Variants in PIP5K1B observed in about 807,000 individuals in gnomAD.
PIP5K1B encodes phosphatidylinositol-4-phosphate 5-kinase type 1 beta, also known as phosphatidylinositol 4-phosphate 5-kinase type-1 beta.
PIP5K1B carries 42 observed loss-of-function variants against 67.0 expected under a neutral mutation model. The observed-to-expected ratio is 0.63, with a 90% CI of 0.49 to 0.81. The LOEUF (loss-of-function observed/expected upper bound fraction) is 0.81, where lower values mean the gene tolerates loss of function less well. Ranked by LOEUF, PIP5K1B falls within the 30% of genes least tolerant of loss-of-function variation. The pLI is 0.00. For synonymous variants in PIP5K1B, 214 were observed against 231.4 expected, an observed-to-expected ratio of 0.92 and a Z score of 0.68; for missense variants, 459 against 646.3, an observed-to-expected ratio of 0.71 and a Z score of 3.14.
At chr9:68,930,809 T>TG (rs912489968) in intron 12 of PIP5K1B, among the ~76,000 whole-genome samples, 5 of 152,278 alleles carry the variant, frequency 3.3e-5, no homozygotes, top group African/African-American at 1.2e-4. Flanking sequence ...ATGGATTCCC[T>TG]GGTGCCCAAA....
chr9:68,781,863 T>G (rs1197023389), intron 2 of PIP5K1B: 1 of 167,088 alleles, frequency 6.0e-6, no homozygotes, highest in Non-Finnish European at 1.5e-5. Context: ...TTTGTACTAC[T>G]GCAAACTTAA....
intron 4 of PIP5K1B, among the ~76,000 whole-genome samples, chr9:68,823,188 A>G (rs2132074490): frequency 6.6e-6 from 1 of 152,328 alleles, no homozygotes; most frequent in South Asian, 2.1e-4. Flanking sequence ...TAGCAACGTT[A>G]ATTTCCTCTG....
chr9:68,976,476 T>C (rs7851728), intron 14 of PIP5K1B, among the ~76,000 whole-genome samples: 150,382 of 152,252 alleles, frequency 0.99, 74,292 homozygotes, highest in Middle Eastern at 1. Context: ...CTTAGTGCCA[T>C]GTTGCTACCA....
chr9:68,977,867 T>C (rs1829705493), intron 14 of PIP5K1B, among the ~76,000 whole-genome samples: 1 of 152,012 alleles, frequency 6.6e-6, no homozygotes, highest in Admixed American at 6.6e-5. Flanking sequence ...CAGGCTGGTC[T>C]CGAACTCCTG....
intron 15 of PIP5K1B, 126 bp from the exon 16 acceptor site, chr9:69,008,321 T>C (rs568083726): frequency 1.2e-4 from 98 of 829,570 alleles, no homozygotes; most frequent in Non-Finnish European, 1.7e-4. Flanking sequence ...ATCCCAAACA[T>C]AATGCACCCC....
At chr9:68,742,164 G>C (rs771465361) in intron 1 of PIP5K1B, 1 of 152,102 alleles carries the variant, frequency 6.6e-6, no homozygotes, top group African/African-American at 2.4e-5. Context: ...TACATTTAGT[G>C]GGAAGTTTTA....
intron 2 of PIP5K1B, among the ~76,000 whole-genome samples, chr9:68,776,288 A>G (rs1396979836): frequency 6.6e-6 from 1 of 152,208 alleles, no homozygotes; most frequent in Non-Finnish European, 1.5e-5. Context: ...TGGAAATTTA[A>G]TAGTGAAAAA....
At chr9:68,923,786 G>A (rs142566410) in intron 12 of PIP5K1B, among the ~76,000 whole-genome samples, 1 of 152,250 alleles carries the variant, frequency 6.6e-6, no homozygotes, top group Non-Finnish European at 1.5e-5. Flanking sequence ...CAAAACAGCA[G>A]TTATTCTCAT....
intron 4 of PIP5K1B, among the ~76,000 whole-genome samples, chr9:68,840,632 C>T (rs1219162990): frequency 2.0e-5 from 3 of 152,168 alleles, no homozygotes; most frequent in Non-Finnish European, 4.4e-5. Context: ...GCTTCCTTCA[C>T]CTTTAAAGCC....
intron 1 of PIP5K1B, among the ~76,000 whole-genome samples, chr9:68,726,986 T>G (rs974373309): frequency 2.0e-5 from 3 of 152,104 alleles, no homozygotes; most frequent in Non-Finnish European, 4.4e-5. Flanking sequence ...AGTTGTTGTT[T>G]TTTTTTTTAG....
At chr9:68,780,156 G>C (rs372734391) in intron 2 of PIP5K1B, 96 of 1,509,728 alleles carry the variant, frequency 6.4e-5, no homozygotes, top group South Asian at 8.1e-5. Flanking sequence ...CCGCCTCCCT[G>C]CCCCCGACAT....
rs574158427 is a variant in PIP5K1B at position 68,849,647 on chromosome 9, T to C, written c.70-14190T>C. Among the ~76,000 whole-genome samples the C allele has an allele frequency of 3.9e-5, 6 of 152,368 alleles. No homozygotes were observed. In the South Asian group the frequency reaches 1.2e-3, roughly 32 times the overall value. On this transcript the variant is annotated intron_variant, in intron 4 of 15. Coordinates refer to ENST00000265382, the MANE Select transcript of PIP5K1B (RefSeq NM_003558.4). ...TCCCAAAGTGCTGGGATTAAAGGCA[T>C]GCGCCACCACGCCCAGCCTCATTTT...
chr9:68,872,798 G>A (rs1270028962), intron 5 of PIP5K1B, among the ~76,000 whole-genome samples: 2 of 152,106 alleles, frequency 1.3e-5, no homozygotes, highest in African/African-American at 4.8e-5. Flanking sequence ...TAGAGATCTT[G>A]CCATGTCAGT....
intron 4 of PIP5K1B, among the ~76,000 whole-genome samples, chr9:68,849,443 C>T (rs577037767): frequency 9.7e-4 from 147 of 152,166 alleles, no homozygotes; most frequent in Non-Finnish European, 1.7e-3. Flanking sequence ...TGCAGCGGTA[C>T]GATCTCAGCT....
intron 5 of PIP5K1B, among the ~76,000 whole-genome samples, chr9:68,865,808 T>C (rs1373895668): frequency 6.6e-6 from 1 of 152,236 alleles, no homozygotes; most frequent in Non-Finnish European, 1.5e-5. Flanking sequence ...ACCAGGAATC[T>C]GTTTTAACAA....
chr9:68,885,559 A>C (rs972541576), intron 6 of PIP5K1B, among the ~76,000 whole-genome samples: 2 of 152,246 alleles, frequency 1.3e-5, no homozygotes, highest in Non-Finnish European at 2.9e-5. Flanking sequence ...CATACCCAAT[A>C]CATATATACA....
At chr9:68,909,962 G>A (rs1037141272) in intron 8 of PIP5K1B, among the ~76,000 whole-genome samples, 4 of 152,164 alleles carry the variant, frequency 2.6e-5, no homozygotes, top group Admixed American at 1.3e-4. Context: ...AATAAAATAC[G>A]TATTGAATGG....
At chr9:68,713,176 A>T (rs1489656772) in intron 1 of PIP5K1B, among the ~76,000 whole-genome samples, 1 of 152,216 alleles carries the variant, frequency 6.6e-6, no homozygotes, top group East Asian at 1.9e-4. Context: ...AAGCAGGTGG[A>T]TCACCTGAGG....
At chr9:68,901,558 C>A (rs976861786) in intron 8 of PIP5K1B, among the ~76,000 whole-genome samples, 1 of 152,210 alleles carries the variant, frequency 6.6e-6, no homozygotes, top group Non-Finnish European at 1.5e-5. Context: ...CATGCCCAGC[C>A]AAATCCACTG....
Sources: gnomAD v4.1 joint callset for allele counts (sites outside exome capture counted in the v4.1 genomes callset) on GRCh38, gnomAD v4.1.1 for gene constraint, MANE v1.5 for transcripts, NCBI Gene and HGNC (gene_info 2026-07-23, HGNC 2026-07-21) for gene names.